Variants in TACC2 observed in about 807,000 individuals in gnomAD.
The protein encoded by TACC2 is transforming acidic coiled-coil containing protein 2.
Under a neutral mutation model 227.3 loss-of-function variants are expected in TACC2, and 137 were observed. That is an observed-to-expected ratio of 0.60 (90% CI 0.52 to 0.69). The LOEUF (loss-of-function observed/expected upper bound fraction) is 0.69, where lower values mean the gene tolerates loss of function less well. TACC2 is among the 30% of genes least tolerant of loss of function. The pLI is 0.00. For synonymous variants in TACC2, 1,523 were observed against 1,487.5 expected, an observed-to-expected ratio of 1.02 and a Z score of -0.55; for missense variants, 3,470 against 3,694.4, an observed-to-expected ratio of 0.94 and a Z score of 1.57.
intron 17 of TACC2, 57 bp from the exon 18 acceptor site, chr10:122,237,904 T>C: frequency 7.6e-7 from 1 of 1,309,194 alleles, no homozygotes; most frequent in African/African-American, 1.4e-5. Context: ...TATGAATTGC[T>C]CAGAGCTGAA....
chr10:122,079,030 C>G (rs575354597), intron 3 of TACC2: 12 of 152,346 alleles, frequency 7.9e-5, no homozygotes, highest in African/African-American at 2.9e-4. Context: ...CCTAAGTTGG[C>G]AGTTCCTGTC....
At chr10:122,220,530 A>C (rs2095503492) in intron 11 of TACC2, among the ~76,000 whole-genome samples, 1 of 152,192 alleles carries the variant, frequency 6.6e-6, no homozygotes, top group African/African-American at 2.4e-5. Flanking sequence ...AAATACCATT[A>C]ATGTAATGAG....
At chr10:122,036,473 A>G (rs540110106) in intron 2 of TACC2, among the ~76,000 whole-genome samples, 14 of 143,640 alleles carry the variant, frequency 9.7e-5, no homozygotes, top group South Asian at 6.7e-4. Flanking sequence ...GATTACAGGC[A>G]TGCGCCACCG....
chr10:122,164,071 C>A, intron 7 of TACC2: 1 of 1,512,334 alleles, frequency 6.6e-7, no homozygotes, highest in South Asian at 1.2e-5. Flanking sequence ...GTCGCCTTTC[C>A]TAATGCCTGT....
intron 2 of TACC2, among the ~76,000 whole-genome samples, chr10:122,036,033 A>T (rs1014915998): frequency 2.6e-5 from 4 of 152,142 alleles, no homozygotes; most frequent in African/African-American, 9.7e-5. Flanking sequence ...GGAATCATAC[A>T]GTATTTGTAT....
intron 5 of TACC2, among the ~76,000 whole-genome samples, chr10:122,107,883 T>A (rs1260566490): frequency 2.9e-4 from 27 of 94,530 alleles, no homozygotes; most frequent in African/African-American, 8.4e-4. Flanking sequence ...TATATATATT[T>A]TTTTTTTCTT....
intron 7 of TACC2, among the ~76,000 whole-genome samples, chr10:122,187,829 G>A (rs2094261967): frequency 6.6e-6 from 1 of 152,116 alleles, no homozygotes; most frequent in Non-Finnish European, 1.5e-5. Flanking sequence ...GAGGCCAAGG[G>A]CAGATCAGAG....
Position 122,248,467 on chromosome 10 carries a change from G to A in TACC2, c.8393-176G>A, listed in dbSNP as rs977957411. On this transcript the variant is annotated intron_variant, in intron 19 of 22. Transcript: ENST00000369005. ...CTGGGAAGCCAGGGCTCTGGTTTTT[G>A]TTCTGTTAGAGACAGTCTGGGAGGG... The A allele has an allele frequency of 5.6e-6, 4 of 710,730 alleles. No individual in the cohort carries two copies. The African/African-American group carries it at 7.2e-5, about 13-fold the overall frequency. 44.0% of individuals were successfully genotyped at this position (710,730 alleles called of 1,614,324 possible). A position where few individuals can be genotyped will look rare whatever the true frequency, so the allele number is the denominator to read the frequency against.
rs114638374 is a variant in TACC2 at position 122,110,274 on chromosome 10, C to T, written c.5573+21683C>T. Among the ~76,000 whole-genome samples, 859 of 152,150 alleles carry T rather than the reference C, an allele frequency of 5.6e-3. 11 individuals are homozygous for T. Among genetic ancestry groups the T allele is most frequent in the African/African-American group, 0.019 (806 of 41,554 alleles). Reference sequence around the variant, plus strand: ...CAGTAGATTCCAGGTATCCCAAGACCGCACAAGCCTGCATCTTTCCTCCTC... The same window carrying T: ...CAGTAGATTCCAGGTATCCCAAGACTGCACAAGCCTGCATCTTTCCTCCTC... On this transcript the variant is annotated intron_variant, in intron 5 of 22. Transcript: ENST00000369005.
At chr10:122,202,013 C>CTTTTTTTTTTTTTTTTT (rs767544440) in intron 8 of TACC2, among the ~76,000 whole-genome samples, 1 of 102,370 alleles carries the variant, frequency 9.8e-6, no homozygotes, top group Admixed American at 9.6e-5. Context: ...TCTTCTTTAG[C>CTTTTTTTTTTTTTTTTT]TTTTTTTTTT....
intron 5 of TACC2, among the ~76,000 whole-genome samples, chr10:122,094,734 G>A (rs2081198555): frequency 6.6e-6 from 1 of 152,198 alleles, no homozygotes; most frequent in Admixed American, 6.5e-5. Flanking sequence ...GAGCCTCTCT[G>A]CCGCTTGTCC....
intron 8 of TACC2, among the ~76,000 whole-genome samples, chr10:122,206,748 C>T (rs1298387684): frequency 6.6e-6 from 1 of 152,168 alleles, no homozygotes. Flanking sequence ...AAACCTGGAG[C>T]CTGTGTGCAA....
At chr10:122,072,972 G>T (rs918181866) in intron 3 of TACC2, among the ~76,000 whole-genome samples, 4 of 151,378 alleles carry the variant, frequency 2.6e-5, no homozygotes, top group Admixed American at 2.6e-4. Context: ...AATTAGCCAG[G>T]CGTGGTGGCG....
chr10:122,235,768 A>G (rs2095846433), intron 16 of TACC2, among the ~76,000 whole-genome samples: 1 of 151,978 alleles, frequency 6.6e-6, no homozygotes, highest in South Asian at 2.1e-4. Context: ...GCTGAGGGCT[A>G]TTAGTATATA....
chr10:122,015,953 T>TA (rs11401777), intron 1 of TACC2, among the ~76,000 whole-genome samples: 37,004 of 147,806 alleles, frequency 0.25, 4,687 homozygotes, highest in East Asian at 0.39. Context: ...CCCAAAATGT[T>TA]AAAAAAAAAA....
intron 7 of TACC2, among the ~76,000 whole-genome samples, chr10:122,167,024 A>G (rs573555940): frequency 6.6e-6 from 1 of 152,372 alleles, no homozygotes; most frequent in East Asian, 1.9e-4. Flanking sequence ...GTGGGGCAGC[A>G]TTAAGTACTT....
At chr10:122,057,729 G>T (rs2076349974) in intron 3 of TACC2, among the ~76,000 whole-genome samples, 2 of 152,016 alleles carry the variant, frequency 1.3e-5, no homozygotes, top group Non-Finnish European at 2.9e-5. Context: ...CTGAGGCAGG[G>T]TTCAATCTGA....
intron 5 of TACC2, among the ~76,000 whole-genome samples, chr10:122,091,615 G>A (rs2080829155): frequency 6.6e-6 from 1 of 152,138 alleles, no homozygotes; most frequent in Admixed American, 6.6e-5. Flanking sequence ...CATCCAGCCT[G>A]GCAGGTTGGG....
chr10:122,196,075 C>T (rs917545618), intron 8 of TACC2, among the ~76,000 whole-genome samples: 15 of 152,218 alleles, frequency 9.9e-5, no homozygotes, highest in African/African-American at 3.6e-4. Flanking sequence ...TCTGGCTCTT[C>T]CTCCCGAGGG....
Sources: allele counts gnomAD v4.1 joint callset (sites outside exome capture counted in the v4.1 genomes callset), GRCh38; gene constraint gnomAD v4.1.1; transcripts MANE v1.5; gene names NCBI Gene and HGNC (gene_info 2026-07-23, HGNC 2026-07-21).